Variants in ANO3 observed in about 807,000 individuals in gnomAD.
ANO3 encodes anoctamin 3.
A neutral mutation model predicts 144.8 loss-of-function variants in ANO3; 99 were observed. That is an observed-to-expected ratio of 0.68 (90% CI 0.58 to 0.81). The LOEUF is 0.81. ANO3 is among the 30% of genes least tolerant of loss of function. The pLI is 0.00. For missense variants in ANO3, 905 were observed against 1,202.2 expected (o/e 0.75, Z 3.66); for synonymous variants, 414 against 392.6 (o/e 1.05, Z -0.64).
At chr11:26,542,333 T>C (rs1317863108) in intron 11 of ANO3, among the ~76,000 whole-genome samples, 1 of 151,860 alleles carries the variant, frequency 6.6e-6, no homozygotes, top group Non-Finnish European at 1.5e-5. Flanking sequence ...TGGAGAGAAA[T>C]TGGAATAAAA....
At chr11:26,360,897 C>G (rs185350202) in intron 1 of ANO3, among the ~76,000 whole-genome samples, 1 of 152,154 alleles carries the variant, frequency 6.6e-6, no homozygotes, top group Non-Finnish European at 1.5e-5. Context: ...TTGTGACATA[C>G]CTACTGTTAT....
chr11:26,261,977 CT>C (rs1412897004), intron 1 of ANO3, among the ~76,000 whole-genome samples: 3 of 152,166 alleles, frequency 2.0e-5, no homozygotes, highest in Non-Finnish European at 4.4e-5. Context: ...GTTTTTGAGG[CT>C]GTGTAACTTT....
At chr11:26,219,048 G>C (rs1177618300) in intron 1 of ANO3, among the ~76,000 whole-genome samples, 1 of 152,088 alleles carries the variant, frequency 6.6e-6, no homozygotes, top group East Asian at 1.9e-4. Flanking sequence ...CTGTTGCAGG[G>C]GGCTGTCCTG....
At chr11:26,389,549 A>G (rs1856822705) in intron 1 of ANO3, among the ~76,000 whole-genome samples, 1 of 152,070 alleles carries the variant, frequency 6.6e-6, no homozygotes, top group Non-Finnish European at 1.5e-5. Context: ...CAAATAATAA[A>G]GATCTCTTTT....
intron 1 of ANO3, among the ~76,000 whole-genome samples, chr11:26,316,913 T>G (rs1854639375): frequency 1.3e-5 from 2 of 152,208 alleles, no homozygotes; most frequent in Non-Finnish European, 2.9e-5. Flanking sequence ...CAATCCTACA[T>G]GCAACTTTGT....
intron 3 of ANO3, among the ~76,000 whole-genome samples, chr11:26,454,767 CA>C (rs562833535): frequency 6.6e-6 from 1 of 151,710 alleles, no homozygotes; most frequent in Admixed American, 6.6e-5. Flanking sequence ...AGAGACACAA[CA>C]AAAAAAGAGA....
At position 26,315,330 on chromosome 11, in the gene ANO3, T is replaced by A. The variant is rs1021187412; in HGVS notation, c.-3+5611T>A. On this transcript the variant is annotated intron_variant, in intron 1 of 26. Coordinates refer to the ANO3 transcript ENST00000525139. ...CCTCAGTTTTTCTAATCTTCTGCTC[T>A]CCATCTTGTTTCTGGCAGCACTCTG... Among the ~76,000 whole-genome samples the A allele has an allele frequency of 5.9e-5, 9 of 152,314 alleles. No homozygotes were observed. The East Asian group carries it at 1.7e-3, about 29-fold the overall frequency.
At chr11:26,584,724 G>T (rs1386582961) in intron 14 of ANO3, among the ~76,000 whole-genome samples, 1 of 152,116 alleles carries the variant, frequency 6.6e-6, no homozygotes, top group African/African-American at 2.4e-5. Flanking sequence ...TCAACCACCT[G>T]GGCCTTGTTT....
At chr11:26,300,646 C>T (rs993579197) in intron 1 of ANO3, among the ~76,000 whole-genome samples, 2 of 152,064 alleles carry the variant, frequency 1.3e-5, no homozygotes, top group African/African-American at 4.8e-5. Context: ...AGAAGTTTCC[C>T]TTATAGATAT....
rs11029578 is a variant in ANO3, at chr11:26,487,137, C to A, written c.433-20967C>A. ...TTTGGCTGTGTCCTCACCCAAATCC[C>A]AACTTGAACTGTGTCTTCCAGAATT... is the stretch of plus-strand genomic sequence containing the variant. On this transcript the variant is annotated intron_variant, in intron 4 of 26. Coordinates refer to ENST00000256737, the MANE Select transcript of ANO3 (RefSeq NM_031418.4). Among the ~76,000 whole-genome samples the A allele has an allele frequency of 4.6e-3, 698 of 152,288 alleles. 3 individuals are homozygous for A. The highest frequency in any genetic ancestry group is 0.016 in the African/African-American group (663 of 41,560).
At chr11:26,214,169 C>G (rs1851991243) in intron 1 of ANO3, among the ~76,000 whole-genome samples, 1 of 151,884 alleles carries the variant, frequency 6.6e-6, no homozygotes, top group African/African-American at 2.4e-5. Context: ...CCTAAATTGA[C>G]AAAGTGAAGC....
chr11:26,190,035 T>TA (rs1264821671), intron 1 of ANO3, among the ~76,000 whole-genome samples: 1 of 152,162 alleles, frequency 6.6e-6, no homozygotes, highest in East Asian at 1.9e-4. Flanking sequence ...TTGTGCTTTG[T>TA]AAAAAATGTT....
Position 26,385,885 on chromosome 11 carries a change from TTG to T in ANO3, c.46+53572_46+53573del, listed in dbSNP as rs200331263. Among the ~76,000 whole-genome samples the T allele has an allele frequency of 2.6e-3, 334 of 130,822 alleles. 8 individuals are homozygous for T. Among genetic ancestry groups the T allele is most frequent in the African/African-American group, 0.01 (300 of 29,064 alleles). The allele number at this position is 130,822 out of a possible 152,430, so 85.8% of individuals were successfully genotyped here. A position where few individuals can be genotyped will look rare whatever the true frequency, so the allele number is the denominator to read the frequency against. ...TGGTGATAGATTTGTGTGAAGTTCT[TTG>T]TGTGTGTATATATATTTATATACAT... is the stretch of plus-strand genomic sequence containing the variant. On this transcript the variant is annotated intron_variant, in intron 1 of 26. Coordinates refer to ENST00000256737, the MANE Select transcript of ANO3 (RefSeq NM_031418.4).
At chr11:26,229,998 C>A (rs954239842) in intron 1 of ANO3, among the ~76,000 whole-genome samples, 1 of 152,148 alleles carries the variant, frequency 6.6e-6, no homozygotes, top group African/African-American at 2.4e-5. Flanking sequence ...ATCAGAGCCT[C>A]CTTACTTTTT....
chr11:26,268,845 G>A (rs1397105352), intron 1 of ANO3, among the ~76,000 whole-genome samples: 2 of 152,146 alleles, frequency 1.3e-5, no homozygotes, highest in African/African-American at 4.8e-5. Context: ...CTAGAAGGCA[G>A]TAAGAATAAG....
chr11:26,299,621 G>C (rs749464572), intron 1 of ANO3, among the ~76,000 whole-genome samples: 1 of 151,952 alleles, frequency 6.6e-6, no homozygotes, highest in Non-Finnish European at 1.5e-5. Flanking sequence ...GTGGGGAGGC[G>C]GAGACTGGCA....
chr11:26,540,246 G>A (rs758524831), intron 10 of ANO3, among the ~76,000 whole-genome samples: 1 of 152,076 alleles, frequency 6.6e-6, no homozygotes, highest in Non-Finnish European at 1.5e-5. Context: ...TGACTAGCCA[G>A]CTTCATTCCT....
chr11:26,344,266 A>T (rs1309767768), intron 1 of ANO3, among the ~76,000 whole-genome samples: 1 of 152,180 alleles, frequency 6.6e-6, no homozygotes, highest in African/African-American at 2.4e-5. Context: ...GCATCTTATA[A>T]TACGAAACAA....
intron 1 of ANO3, among the ~76,000 whole-genome samples, chr11:26,212,762 G>A (rs1851960234): frequency 6.6e-6 from 1 of 151,766 alleles, no homozygotes. Context: ...GAAAAAGAGG[G>A]ACTCCTCCCT....
Sources: allele counts gnomAD v4.1 joint callset (sites outside exome capture counted in the v4.1 genomes callset), GRCh38; gene constraint gnomAD v4.1.1; transcripts MANE v1.5; gene names NCBI Gene and HGNC (gene_info 2026-07-23, HGNC 2026-07-21).